The following ADAP1 variants were observed in gnomAD, a reference collection of about 807,000 sequenced individuals.
ADAP1 encodes the protein ArfGAP with dual PH domains 1.
In ADAP1, 31 loss-of-function variants were observed where a neutral mutation model predicts 54.9. The observed-to-expected ratio is 0.56, with a 90% CI of 0.42 to 0.76. ADAP1 has a LOEUF of 0.76. Among genes scored for constraint, ADAP1 ranks in the 30% least tolerant of loss-of-function variants. ADAP1 has a pLI of 0.00. For missense variants in ADAP1, 535 were observed against 512.4 expected (o/e 1.04, Z -0.42); for synonymous variants, 313 against 202.6 (o/e 1.55, Z -4.63).
chr7:909,407 G>C (rs559832539), intron 4 of ADAP1, among the ~76,000 whole-genome samples: 6 of 136,012 alleles, frequency 4.4e-5, no homozygotes, highest in African/African-American at 1.9e-4. Flanking sequence ...CCTCCCGACA[G>C]CAGGCGCCAG....
intron 1 of ADAP1, among the ~76,000 whole-genome samples, chr7:953,292 T>C (rs1847311820): frequency 1.3e-5 from 2 of 152,052 alleles, no homozygotes; most frequent in Non-Finnish European, 2.9e-5. Context: ...TGTCGCTATC[T>C]CCCCTCTGGG....
intron 1 of ADAP1, among the ~76,000 whole-genome samples, chr7:937,367 G>A (rs1377556802): frequency 4.2e-5 from 2 of 47,236 alleles, no homozygotes; most frequent in Admixed American, 2.4e-4. Flanking sequence ...GTCACGCCGG[G>A]CCTCTGGGAT....
chr7:936,216 AT>A (rs57738487), intron 1 of ADAP1, among the ~76,000 whole-genome samples: 2 of 151,304 alleles, frequency 1.3e-5, no homozygotes, highest in Non-Finnish European at 2.9e-5. Context: ...AGGGAGCAGA[AT>A]TTTTTTTGAG....
At chr7:913,509 T>C (rs1373532239) in intron 4 of ADAP1, among the ~76,000 whole-genome samples, 1 of 152,124 alleles carries the variant, frequency 6.6e-6, no homozygotes, top group Admixed American at 6.5e-5. Context: ...TCCTCCCCTT[T>C]CTCTTTACTT....
Position 920,014 on chromosome 7 carries a change from C to T in ADAP1, c.342G>A (p.Glu114=), listed in dbSNP as rs1302454859. ...LREQWIRAKY[E]RQEFIYPEKQ... ...TCTCCGGGTAGATGAACTCCTGTCG[C>T]TCGTACTTGGCCCGGATCCACTGCT... is the stretch of plus-strand genomic sequence containing the variant. Residue 114 remains glutamate, a synonymous_variant, in exon 4 of 11, where the codon GAG becomes GAA. Transcript: ENST00000265846. The surrounding 1 kb of genome is among the most constrained non-coding windows in gnomAD (Gnocchi z 4.5). The T allele has an allele frequency of 1.2e-6, 2 of 1,607,884 alleles. No homozygotes were observed. Among genetic ancestry groups the T allele is most frequent in the Non-Finnish European group, 1.7e-6 (2 of 1,179,624 alleles).
intron 2 of ADAP1, among the ~76,000 whole-genome samples, chr7:934,431 A>G (rs1055641293): frequency 5.9e-5 from 9 of 152,098 alleles, no homozygotes; most frequent in African/African-American, 2.2e-4. Flanking sequence ...GGGGAGAGAC[A>G]TGTACAGGAG....
In ADAP1 at chr7:945,878, C is replaced by A. The variant is rs796142197; in HGVS notation, c.82+8518G>T. 117 of 971,894 alleles carry A rather than the reference C, an allele frequency of 1.2e-4. No individual in the cohort carries two copies. The African/African-American group carries it at 1.8e-3, about 15-fold the overall frequency. The allele number at this position is 971,894 out of a possible 1,614,324, so 60.2% of individuals were successfully genotyped here. On this transcript the variant is annotated intron_variant, in intron 1 of 10. Coordinates refer to ENST00000265846, the MANE Select transcript of ADAP1 (RefSeq NM_006869.4). The surrounding 1 kb of genome is among the most constrained non-coding windows in gnomAD (Gnocchi z 4.2). ...AGCCAGGTGGGGCAGGCGTGTCCCC[C>A]AAGCCAAGGCCCAGGCTGGGGCACG... is the stretch of plus-strand genomic sequence containing the variant.
intron 4 of ADAP1, among the ~76,000 whole-genome samples, chr7:919,242 C>T (rs557134087): frequency 5.2e-4 from 79 of 152,352 alleles, no homozygotes; most frequent in African/African-American, 1.8e-3. Context: ...GACGCCCTCA[C>T]GCCCCTCACC....
intron 1 of ADAP1, among the ~76,000 whole-genome samples, chr7:948,124 G>T (rs114205530): frequency 6.6e-6 from 1 of 151,774 alleles, no homozygotes; most frequent in Non-Finnish European, 1.5e-5. Context: ...ATTCCAGCTG[G>T]GCCTTTCCCG....
intron 1 of ADAP1, among the ~76,000 whole-genome samples, chr7:951,910 T>C (rs552861029): frequency 1.3e-5 from 2 of 151,538 alleles, no homozygotes; most frequent in Non-Finnish European, 2.9e-5. Context: ...CAAGCGATCC[T>C]CCGGCCTCGG....
chr7:900,696 A>AGAG, intron 6 of ADAP1, 80 bp from the exon 7 acceptor site: 1 of 1,274,710 alleles, frequency 7.8e-7, no homozygotes, highest in East Asian at 2.5e-5. Flanking sequence ...GGGTCCCCAC[A>AGAG]GAGGGGCCGC....
chr7:919,648 G>A (rs572060938), intron 4 of ADAP1, among the ~76,000 whole-genome samples: 2 of 116,708 alleles, frequency 1.7e-5, no homozygotes, highest in African/African-American at 3.6e-5. Flanking sequence ...GAGAAACAGA[G>A]ACACAGAGAG....
Position 954,589 on chromosome 7 carries a change from G to T in ADAP1, c.-112C>A. The T allele has an allele frequency of 2.0e-6, 2 of 985,494 alleles. No individual in the cohort carries two copies. Among genetic ancestry groups the T allele is most frequent in the Non-Finnish European group, 1.2e-6 (1 of 831,276 alleles). 61.0% of individuals were successfully genotyped at this position (985,494 alleles called of 1,614,324 possible). ...CGCCGCCGCCCCTGCGCCATCCCGGGCGGCCTCAGCCCGCGCGCCGGTTCC... is the reference window on the plus strand; with the variant it reads ...CGCCGCCGCCCCTGCGCCATCCCGGTCGGCCTCAGCCCGCGCGCCGGTTCC... On this transcript the variant is annotated 5_prime_UTR_variant, in exon 1 of 11. Transcript: ENST00000265846.
At chr7:935,137 C>G (rs1562933095) in intron 2 of ADAP1, 1 of 669,282 alleles carries the variant, frequency 1.5e-6, no homozygotes, top group Non-Finnish European at 2.8e-6. Flanking sequence ...CCCTGGCCCA[C>G]CACACACACC....
In ADAP1 at chr7:927,338, C is replaced by T. The variant is rs868453959; in HGVS notation, c.214-694G>A. ...CAAAGGCCCTGAGGGTGGACGCTGG[C>T]AATGACCCTGCCGCCAGCCAGGTAT... is the stretch of plus-strand genomic sequence containing the variant. On this transcript the variant is annotated intron_variant, in intron 2 of 10. Transcript: ENST00000265846. 37 of 948,758 alleles carry T rather than the reference C, an allele frequency of 3.9e-5. 1 individual carries two copies. In the Middle Eastern group the frequency reaches 4.3e-3, roughly 110 times the overall value. The allele number at this position is 948,758 out of a possible 1,614,324, so 58.8% of individuals were successfully genotyped here.
In ADAP1 at chr7:926,408, C is replaced by G. The variant is rs1019062813; in HGVS notation, c.305+145G>C. ...TGGCCAGCAGACACAGGCGGCACCT[C>G]GGGGTCTGGGGGACGCAGCTGCGGC... On this transcript the variant is annotated intron_variant, in intron 3 of 10. Coordinates refer to ENST00000265846, the MANE Select transcript of ADAP1 (RefSeq NM_006869.4). The surrounding 1 kb of genome is among the most constrained non-coding windows in gnomAD (Gnocchi z 4.6). 9 of 574,086 alleles carry G rather than the reference C, an allele frequency of 1.6e-5. No individual in the cohort carries two copies. Among genetic ancestry groups the G allele is most frequent in the Non-Finnish European group, 2.5e-5 (9 of 356,030 alleles). 35.6% of individuals were successfully genotyped at this position (574,086 alleles called of 1,614,324 possible).
chr7:913,936 A>T (rs913101888), intron 4 of ADAP1, among the ~76,000 whole-genome samples: 3 of 152,156 alleles, frequency 2.0e-5, no homozygotes, highest in African/African-American at 7.2e-5. Context: ...AAAAACAAAC[A>T]AACAAAAAAC....
intron 4 of ADAP1, among the ~76,000 whole-genome samples, chr7:910,979 T>C (rs901999106): frequency 4.6e-5 from 7 of 152,162 alleles, no homozygotes; most frequent in Admixed American, 2.6e-4. Context: ...GAAGGCCTCC[T>C]CTGTGAGCCC....
At chr7:929,177 A>G (rs1846485087) in intron 2 of ADAP1, among the ~76,000 whole-genome samples, 1 of 152,020 alleles carries the variant, frequency 6.6e-6, no homozygotes, top group East Asian at 1.9e-4. Flanking sequence ...CCGTAATCCC[A>G]GCTACTCGGG....
Sources: gnomAD v4.1 joint callset for allele counts (sites outside exome capture counted in the v4.1 genomes callset) on GRCh38, gnomAD v4.1.1 for gene constraint, Gnocchi (gnomAD v3.1) non-coding constraint, MANE v1.5 for transcripts, NCBI Gene and HGNC (gene_info 2026-07-23, HGNC 2026-07-21) for gene names.